The following BOK variants were observed in gnomAD, a reference collection of about 807,000 sequenced individuals.
BOK encodes the protein BCL2 family apoptosis regulator BOK.
Under a neutral mutation model 18.3 loss-of-function variants are expected in BOK, and 20 were observed. The observed-to-expected ratio is 1.09, with a 90% CI of 0.77 to 1.59. The LOEUF (loss-of-function observed/expected upper bound fraction) is 1.59, where lower values mean the gene tolerates loss of function less well. Among genes scored for constraint, BOK ranks in the 40% most tolerant of loss-of-function variants. The pLI, the probability that BOK is intolerant of heterozygous loss-of-function variation, is 0.00. For synonymous variants in BOK, 173 were observed against 142.4 expected (o/e 1.21, Z -1.53); for missense variants, 348 against 307.9 (o/e 1.13, Z -0.97).
chr2:241,572,722 C>T lies in BOK; in HGVS notation c.*300C>T, dbSNP rs2066744119. 2 of 434,330 alleles carry T rather than the reference C, an allele frequency of 4.6e-6. No homozygotes were observed. Among genetic ancestry groups the T allele is most frequent in the Admixed American group, 7.0e-5 (2 of 28,776 alleles). The allele number at this position is 434,330 out of a possible 1,614,324, so 26.9% of individuals were successfully genotyped here. A position where few individuals can be genotyped will look rare whatever the true frequency, so the allele number is the denominator to read the frequency against. ...GGGCCAGGAAGTCAGGGTCAACTCC[C>T]AGGCCTCAGATGCAGGGGCCCAGAA... On this transcript the variant is annotated 3_prime_UTR_variant, in exon 5 of 5. Coordinates refer to ENST00000318407, the MANE Select transcript of BOK (RefSeq NM_032515.5).
At chr2:241,567,644 A>G (rs1162705238) in intron 3 of BOK, among the ~76,000 whole-genome samples, 1 of 134,388 alleles carries the variant, frequency 7.4e-6, no homozygotes, top group African/African-American at 2.9e-5. Flanking sequence ...GTGGCAGGAA[A>G]AGGGCTGGAG....
chr2:241,565,690 T>C (rs895895151), intron 3 of BOK, among the ~76,000 whole-genome samples: 1 of 152,110 alleles, frequency 6.6e-6, no homozygotes, highest in Admixed American at 6.5e-5. Flanking sequence ...CCTTGGCTAG[T>C]GTTGTGAGCC....
chr2:241,560,061 T>C, intron 2 of BOK: 1 of 985,334 alleles, frequency 1.0e-6, no homozygotes, highest in Non-Finnish European at 1.2e-6. Flanking sequence ...ATGTTTATTT[T>C]GGAAAACAGA....
At chr2:241,559,358 C>A in intron 1 of BOK, 97 bp from the exon 2 acceptor site, 1 of 686,830 alleles carries the variant, frequency 1.5e-6, no homozygotes, top group Non-Finnish European at 2.0e-6. Flanking sequence ...CCGGCGCCGG[C>A]TACGGCCCTT....
upstream of BOK, chr2:241,558,691 C>G (rs1466228945): frequency 6.6e-6 from 1 of 152,280 alleles, no homozygotes. Flanking sequence ...AGCGTCTCCC[C>G]GACTCCGCCC....
chr2:241,564,517 G>T, intron 3 of BOK, among the ~76,000 whole-genome samples: 1 of 151,882 alleles, frequency 6.6e-6, no homozygotes, highest in Admixed American at 6.6e-5. Context: ...GAGTCGGCTG[G>T]GGGTGCATAT....
Position 241,558,942 on chromosome 2 carries a change from A to G in BOK, c.-81A>G, listed in dbSNP as rs1459456745. On this transcript the variant is annotated 5_prime_UTR_variant, in exon 1 of 5. Coordinates refer to ENST00000318407, the MANE Select transcript of BOK (RefSeq NM_032515.5). ...GTCGAGGTCGTCGTCGGCGGCGAGC[A>G]GATCCTGAAGCCAGAACTCCACCCC... is the stretch of plus-strand genomic sequence containing the variant. 1 of 151,716 alleles carries G rather than the reference A, an allele frequency of 6.6e-6. No homozygotes were observed. The highest frequency in any genetic ancestry group is 1.5e-5 in the Non-Finnish European group (1 of 67,856). 9.4% of individuals were successfully genotyped at this position (151,716 alleles called of 1,614,324 possible). A position where few individuals can be genotyped will look rare whatever the true frequency, so the allele number is the denominator to read the frequency against.
chr2:241,563,464 A>C (rs1048755925), intron 3 of BOK, among the ~76,000 whole-genome samples: 2 of 152,062 alleles, frequency 1.3e-5, no homozygotes, highest in African/African-American at 4.8e-5. Context: ...CACCTCCCTG[A>C]TTGGCACATT....
At chr2:241,552,332 C>A (rs1284933008) in intron 1 of BOK, among the ~76,000 whole-genome samples, 1 of 150,710 alleles carries the variant, frequency 6.6e-6, no homozygotes, top group African/African-American at 2.4e-5. Context: ...CTTGCACCCG[C>A]AGCACGCCCT....
chr2:241,552,096 G>A (rs1455925852), intron 1 of BOK, among the ~76,000 whole-genome samples: 5 of 152,210 alleles, frequency 3.3e-5, no homozygotes, highest in East Asian at 1.9e-4. Flanking sequence ...GAGGTGGCGC[G>A]GCTGGGACGG....
At chr2:241,566,394 G>C (rs1468928700) in intron 3 of BOK, among the ~76,000 whole-genome samples, 1 of 150,332 alleles carries the variant, frequency 6.7e-6, no homozygotes, top group Non-Finnish European at 1.5e-5. Context: ...CATTTCCTGG[G>C]TTCAAGCAGT....
In BOK at chr2:241,562,484, C is replaced by T. The variant is rs1192423115; in HGVS notation, c.349+8C>T. On this transcript the variant is annotated splice_region_variant and intron_variant, in intron 3 of 4. Coordinates refer to ENST00000318407, the MANE Select transcript of BOK (RefSeq NM_032515.5). The surrounding 1 kb of genome is among the most constrained non-coding windows in gnomAD (Gnocchi z 4.5). ...GCCACATCTTCTCTGCAGGTATGCCCAGCCTGCCCGTCCCATGGGACCTCA... is the reference window on the plus strand; with the variant it reads ...GCCACATCTTCTCTGCAGGTATGCCTAGCCTGCCCGTCCCATGGGACCTCA... The T allele has an allele frequency of 6.2e-7, 1 of 1,604,332 alleles. No individual in the cohort carries two copies. Among genetic ancestry groups the T allele is most frequent in the South Asian group, 1.1e-5 (1 of 89,844 alleles).
rs1414614247 is a variant in BOK at position 241,567,432 on chromosome 2, T to G, written c.350-2693T>G. On this transcript the variant is annotated intron_variant, in intron 3 of 4. Coordinates refer to ENST00000318407, the MANE Select transcript of BOK (RefSeq NM_032515.5). Reference sequence around the variant, plus strand: ...ATGAGCCACCGCACCCAGCGTGGAATGCACTGTTCTGATGGAACCGGACAC... The same window carrying G: ...ATGAGCCACCGCACCCAGCGTGGAAGGCACTGTTCTGATGGAACCGGACAC... Among the ~76,000 whole-genome samples the G allele has an allele frequency of 1.5e-5, 2 of 135,022 alleles. 1 individual carries two copies. The highest frequency in any genetic ancestry group is 3.2e-5 in the Non-Finnish European group (2 of 63,026). 88.6% of individuals were successfully genotyped at this position (135,022 alleles called of 152,430 possible). A position where few individuals can be genotyped will look rare whatever the true frequency, so the allele number is the denominator to read the frequency against.
At chr2:241,568,245 C>T (rs1209630686) in intron 3 of BOK, among the ~76,000 whole-genome samples, 5 of 152,262 alleles carry the variant, frequency 3.3e-5, no homozygotes, top group African/African-American at 7.2e-5. Context: ...CTCAGCCTCC[C>T]GAGTAGCTGG....
In BOK at chr2:241,572,339, C is replaced by T. The variant is rs760234766; in HGVS notation, c.556C>T (p.Arg186Cys). 4.3e-5 allele frequency: 70 copies of T among 1,610,660 alleles called. 1 individual carries two copies. Among genetic ancestry groups the T allele is most frequent in the South Asian group, 3.4e-4 (31 of 90,922 alleles). Residue 186 changes from arginine to cysteine, a missense_variant, in exon 5 of 5, where the codon CGC (arginine) becomes TGC (cysteine). Coordinates refer to ENST00000318407, the MANE Select transcript of BOK (RefSeq NM_032515.5). The stretch of plus-strand genomic sequence containing the variant: ...TGTGGTCAGCACAGACCCTGGCCTC[C>T]GCTCCCACTGGCTGGTGGCTGCACT... The part of the protein sequence containing the change: ...KCVVSTDPGL[R>C]SHWLVAALCS...
At chr2:241,559,366 C>T (rs1304970817) in intron 1 of BOK, 89 bp from the exon 2 acceptor site, 1 of 809,058 alleles carries the variant, frequency 1.2e-6, no homozygotes, top group East Asian at 3.6e-5. Context: ...GGCTACGGCC[C>T]TTCCCGAGGG....
Position 241,570,166 on chromosome 2 carries a change from GC to G in BOK, c.392del (p.Ala131GlyfsTer8). On this transcript the variant is annotated frameshift_variant, in exon 4 of 5. Coordinates refer to ENST00000318407, the MANE Select transcript of BOK (RefSeq NM_032515.5). LOFTEE classifies it high-confidence loss of function. ...GGTGGTGTCCCTGTATGCGGTGGCCGCGGGGCTGGCCGTGGACTGTGTGAGG... is the reference window on the plus strand; with the variant it reads ...GGTGGTGTCCCTGTATGCGGTGGCCGGGGGCTGGCCGTGGACTGTGTGAGG... Reference protein sequence around the residue: ...GKVVSLYAVAAGLAVDCVRQA... With the variant: ...GKVVSLYAVAXGLAVDCVRQA... The G allele has an allele frequency of 6.2e-7, 1 of 1,611,098 alleles. No individual in the cohort carries two copies. Among genetic ancestry groups the G allele is most frequent in the Non-Finnish European group, 8.5e-7 (1 of 1,179,232 alleles).
chr2:241,572,531 C>A lies in BOK; in HGVS notation c.*109C>A. The A allele has an allele frequency of 6.9e-7, 1 of 1,452,882 alleles. No individual in the cohort carries two copies. The highest frequency in any genetic ancestry group is 9.2e-7 in the Non-Finnish European group (1 of 1,089,574). The allele number at this position is 1,452,882 out of a possible 1,614,324, so 90.0% of individuals were successfully genotyped here. On this transcript the variant is annotated 3_prime_UTR_variant, in exon 5 of 5. Coordinates refer to ENST00000318407, the MANE Select transcript of BOK (RefSeq NM_032515.5). ...CCCACCCGAGCCTGGAGCACTCTAA[C>A]CCTCGGAGACCCCCTAAGCCCCGTT...
chr2:241,556,205 C>T (rs2066449004), upstream of BOK, among the ~76,000 whole-genome samples: 1 of 152,200 alleles, frequency 6.6e-6, no homozygotes, highest in African/African-American at 2.4e-5. Flanking sequence ...CATTAAAATG[C>T]ACCCTCAGAT....
Sources: allele counts gnomAD v4.1 joint callset (sites outside exome capture counted in the v4.1 genomes callset), GRCh38; gene constraint gnomAD v4.1.1; non-coding constraint Gnocchi (gnomAD v3.1); transcripts MANE v1.5; gene names NCBI Gene and HGNC (gene_info 2026-07-23, HGNC 2026-07-21).